Variants in HAND1 observed in about 807,000 individuals in gnomAD.
The protein encoded by HAND1 is heart- and neural crest derivatives-expressed protein 1.
A neutral mutation model predicts 14.5 loss-of-function variants in HAND1; 10 were observed. The observed-to-expected ratio is 0.69, with a 90% CI of 0.42 to 1.17. The LOEUF (loss-of-function observed/expected upper bound fraction) is 1.17. HAND1 is among the 50% of genes most tolerant of loss of function. The probability of loss-of-function intolerance (pLI) is 0.00; values close to 1 mark genes in which losing one functional copy is unlikely to be tolerated. For missense variants in HAND1, 299 were observed against 298.4 expected (o/e 1.00, Z -0.01); for synonymous variants, 128 against 127.1 (o/e 1.01, Z -0.05).
At position 154,475,488 on chromosome 5, in the gene HAND1, A is replaced by C; in HGVS notation, c.*318T>G. On this transcript the variant is annotated 3_prime_UTR_variant, in exon 2 of 2. Coordinates refer to ENST00000231121, the MANE Select transcript of HAND1 (RefSeq NM_004821.3). ...TCTAAATTCGCTCCAAAAGGGTGGA[A>C]GAGTGCGTCTTTGAGCCCTTGGGTT... 4 of 410,466 alleles carry C rather than the reference A, an allele frequency of 9.7e-6. No individual in the cohort carries two copies. The highest frequency in any genetic ancestry group is 9.4e-5 in the South Asian group (4 of 42,664). 25.4% of individuals were successfully genotyped at this position (410,466 alleles called of 1,614,324 possible). A position where few individuals can be genotyped will look rare whatever the true frequency, so the allele number is the denominator to read the frequency against.
intron 1 of HAND1, 64 bp from the exon 2 acceptor site, chr5:154,475,974 C>T: frequency 8.0e-7 from 1 of 1,257,382 alleles, no homozygotes; most frequent in Non-Finnish European, 1.2e-6. Flanking sequence ...CTGCTCCGAT[C>T]GCCCGGCATG....
chr5:154,477,444 G>A (rs1474503930), intron 1 of HAND1, 22 bp downstream of exon 1: 13 of 1,593,726 alleles, frequency 8.2e-6, no homozygotes, highest in Non-Finnish European at 1.1e-5. Flanking sequence ...CTTGGCTGGA[G>A]CATGCAAGCC....
rs1028318544 is a variant in HAND1, at chr5:154,478,076, G to C, written c.-68C>G. The C allele has an allele frequency of 3.2e-6, 5 of 1,569,746 alleles. No homozygotes were observed. The African/African-American group carries it at 6.7e-5, about 21-fold the overall frequency. The stretch of plus-strand genomic sequence containing the variant: ...CGCTCCATGCGCCCCAGAGACTGCC[G>C]GGGGCCACCTGTGGGCTCTGGAGCC... On this transcript the variant is annotated 5_prime_UTR_variant, in exon 1 of 2. Coordinates refer to ENST00000231121, the MANE Select transcript of HAND1 (RefSeq NM_004821.3). This position sits in a 1 kb window ranked among gnomAD's most constrained non-coding sequence, Gnocchi z 4.5.
Position 154,475,098 on chromosome 5 carries a change from G to C in HAND1, c.*708C>G, listed in dbSNP as rs1757520365. ...GGGATGGCAGGATGAACAAACACCT[G>C]AGCACAACAGGCATGGTAGGTAGTT... On this transcript the variant is annotated 3_prime_UTR_variant, in exon 2 of 2. Transcript: ENST00000231121. 1 of 152,598 alleles carries C rather than the reference G, an allele frequency of 6.6e-6. No homozygotes were observed. The highest frequency in any genetic ancestry group is 2.4e-5 in the African/African-American group (1 of 41,422). 9.5% of individuals were successfully genotyped at this position (152,598 alleles called of 1,614,324 possible). A position where few individuals can be genotyped will look rare whatever the true frequency, so the allele number is the denominator to read the frequency against.
At chr5:154,476,299 C>T (rs1757540701) in intron 1 of HAND1, among the ~76,000 whole-genome samples, 1 of 152,178 alleles carries the variant, frequency 6.6e-6, no homozygotes. Flanking sequence ...AGCCTCCCAA[C>T]CTGGTTTAAA....
chr5:154,475,982 A>C, intron 1 of HAND1, 72 bp from the exon 2 acceptor site: 2 of 1,111,754 alleles, frequency 1.8e-6, no homozygotes, highest in Non-Finnish European at 2.7e-6. Context: ...ATCGCCCGGC[A>C]TGGGGTAAGA....
Position 154,477,953 on chromosome 5 carries a change from G to C in HAND1, c.56C>G (p.Ala19Gly), listed in dbSNP as rs747513609. ...HHHHHHHPHP[A>G]HPMLHEPFLF... The stretch of plus-strand genomic sequence containing the variant: ...GAAGGGTTCGTGGAGCATGGGGTGC[G>C]CAGGGTGCGGGTGGTGATGGTGGTG... The change falls in exon 1 of 2, where the codon GCG (alanine) becomes GGG (glycine). Residue 19 changes from alanine to glycine, a missense_variant. Transcript: ENST00000231121. The C allele has an allele frequency of 1.3e-6, 2 of 1,598,388 alleles. No individual in the cohort carries two copies. Among genetic ancestry groups the C allele is most frequent in the East Asian group, 2.2e-5 (1 of 44,854 alleles).
At position 154,477,668 on chromosome 5, in the gene HAND1, A is replaced by T; in HGVS notation, c.341T>A (p.Phe114Tyr). 1 of 1,614,224 alleles carries T rather than the reference A, an allele frequency of 6.2e-7. No individual in the cohort carries two copies. The stretch of plus-strand genomic sequence containing the variant: ...GGGGATGCACTCGCGCAACTCCGCG[A>T]ATGCGCTGTTAATGCTCTCAGTGCG... ...RRRTESINSAFAELRECIPNV... is the reference protein window; with the variant it reads ...RRRTESINSAYAELRECIPNV... The change falls in exon 1 of 2, where the codon TTC becomes TAC. Residue 114 changes from phenylalanine (F) to tyrosine (Y), a missense_variant. Phe to Tyr is a conservative substitution (Grantham distance 22). Transcript: ENST00000231121.
chr5:154,478,039 C>A lies in HAND1; in HGVS notation c.-31G>T. On this transcript the variant is annotated 5_prime_UTR_variant, in exon 1 of 2. Transcript: ENST00000231121. The surrounding 1 kb of genome is among the most constrained non-coding windows in gnomAD (Gnocchi z 4.5). Reference sequence around the variant, plus strand: ...AGCGGCTACTGGCCTGCGCCGCCAGCCCTATTAACGCCGCTCCATGCGCCC... The same window carrying A: ...AGCGGCTACTGGCCTGCGCCGCCAGACCTATTAACGCCGCTCCATGCGCCC... 1 of 1,596,392 alleles carries A rather than the reference C, an allele frequency of 6.3e-7. No individual in the cohort carries two copies. The highest frequency in any genetic ancestry group is 8.5e-7 in the Non-Finnish European group (1 of 1,179,684).
In HAND1 at chr5:154,476,453, A is replaced by C. The variant is rs111641857; in HGVS notation, c.544-543T>G. ...GGAACCAAGCGGTGCTACTTGAAGGAGGCGGCGACGCGTGGGGGCCGGGAT... is the reference window on the plus strand; with the variant it reads ...GGAACCAAGCGGTGCTACTTGAAGGCGGCGGCGACGCGTGGGGGCCGGGAT... On this transcript the variant is annotated intron_variant, in intron 1 of 1. Coordinates refer to ENST00000231121, the MANE Select transcript of HAND1 (RefSeq NM_004821.3). 2.6e-5 allele frequency among the ~76,000 whole-genome samples: 4 copies of C among 152,212 alleles called. 1 individual carries two copies. The highest frequency in any genetic ancestry group is 9.6e-5 in the African/African-American group (4 of 41,528).
At position 154,477,829 on chromosome 5, in the gene HAND1, C is replaced by T. The variant is rs369386099; in HGVS notation, c.180G>A (p.Gly60=). The T allele has an allele frequency of 1.2e-4, 186 of 1,595,792 alleles. 1 individual carries two copies. The African/African-American group carries it at 2.2e-3, about 19-fold the overall frequency. ...ADAAPDFPAG[G]PPPAAAAAAT... ...CGGCTGCAGCGGCCGCGGGCGGCGG[C>T]CCGCCCGCAGGGAAGTCCGGGGCAG... The change falls in exon 1 of 2, where the codon GGG becomes GGA. Residue 60 remains glycine, a synonymous_variant. Coordinates refer to ENST00000231121, the MANE Select transcript of HAND1 (RefSeq NM_004821.3).
In HAND1 at chr5:154,475,512, T is replaced by G; in HGVS notation, c.*294A>C. 4.4e-6 allele frequency: 2 copies of G among 453,192 alleles called. No homozygotes were observed. The highest frequency in any genetic ancestry group is 4.1e-6 in the Non-Finnish European group (1 of 246,490). The allele number at this position is 453,192 out of a possible 1,614,324, so 28.1% of individuals were successfully genotyped here. On this transcript the variant is annotated 3_prime_UTR_variant, in exon 2 of 2. Coordinates refer to ENST00000231121, the MANE Select transcript of HAND1 (RefSeq NM_004821.3). ...AAGAGTGCGTCTTTGAGCCCTTGGG[T>G]TCGACAGTCCCTCCTTCTTGCATGT...
In HAND1 at chr5:154,478,052, G is replaced by A. The variant is rs781476191; in HGVS notation, c.-44C>T. On this transcript the variant is annotated 5_prime_UTR_variant, in exon 1 of 2. Transcript: ENST00000231121. This position sits in a 1 kb window ranked among gnomAD's most constrained non-coding sequence, Gnocchi z 4.5. Reference sequence around the variant, plus strand: ...CTGCGCCGCCAGCCCTATTAACGCCGCTCCATGCGCCCCAGAGACTGCCGG... The same window carrying A: ...CTGCGCCGCCAGCCCTATTAACGCCACTCCATGCGCCCCAGAGACTGCCGG... 1.9e-6 allele frequency: 3 copies of A among 1,594,736 alleles called. No homozygotes were observed. Among genetic ancestry groups the A allele is most frequent in the South Asian group, 1.1e-5 (1 of 90,916 alleles).
chr5:154,476,717 G>A (rs1757548060), intron 1 of HAND1, among the ~76,000 whole-genome samples: 1 of 152,184 alleles, frequency 6.6e-6, no homozygotes, highest in Non-Finnish European at 1.5e-5. Flanking sequence ...TGATTGGCCA[G>A]CCTGAAAACC....
Position 154,478,117 on chromosome 5 carries a change from C to T in HAND1, c.-109G>A, listed in dbSNP as rs951376403. 99 of 1,273,810 alleles carry T rather than the reference C, an allele frequency of 7.8e-5. No homozygotes were observed. Among genetic ancestry groups the T allele is most frequent in the Non-Finnish European group, 1.1e-4 (96 of 897,182 alleles). The allele number at this position is 1,273,810 out of a possible 1,614,324, so 78.9% of individuals were successfully genotyped here. A position where few individuals can be genotyped will look rare whatever the true frequency, so the allele number is the denominator to read the frequency against. On this transcript the variant is annotated 5_prime_UTR_variant, in exon 1 of 2. Transcript: ENST00000231121. This position sits in a 1 kb window ranked among gnomAD's most constrained non-coding sequence, Gnocchi z 4.5. ...CTCTGGAGCCACTACTGGGCGCCGG[C>T]TTTGGGAGAGTCCGGGCAAGGCTGA...
chr5:154,477,962 GGGTGGTGAT>G lies in HAND1; in HGVS notation c.38_46del (p.His13_His15del), dbSNP rs754696027. 4 of 1,598,196 alleles carry G rather than the reference GGGTGGTGAT, an allele frequency of 2.5e-6. No homozygotes were observed. The highest frequency in any genetic ancestry group is 2.2e-5 in the East Asian group (1 of 44,862). The stretch of plus-strand genomic sequence containing the variant: ...GTGGAGCATGGGGTGCGCAGGGTGC[GGGTGGTGAT>G]GGTGGTGATGGTGTGCGTAGCTGCC... On this transcript the variant is annotated inframe_deletion, in exon 1 of 2. Transcript: ENST00000231121.
chr5:154,475,114 G>GT lies in HAND1; in HGVS notation c.*691dup, dbSNP rs1461007565. The GT allele has an allele frequency of 6.5e-6, 1 of 152,722 alleles. No homozygotes were observed. Among genetic ancestry groups the GT allele is most frequent in the African/African-American group, 2.4e-5 (1 of 41,428 alleles). 9.5% of individuals were successfully genotyped at this position (152,722 alleles called of 1,614,324 possible). ...CAAACACCTGAGCACAACAGGCATG[G>GT]TAGGTAGTTTAAATACATAAAAACT... On this transcript the variant is annotated 3_prime_UTR_variant, in exon 2 of 2. Coordinates refer to ENST00000231121, the MANE Select transcript of HAND1 (RefSeq NM_004821.3).
Position 154,477,918 on chromosome 5 carries a change from G to C in HAND1, c.91C>G (p.Pro31Ala). The part of the protein sequence containing the change: ...PMLHEPFLFG[P>A]ASRCHQERPY... The stretch of plus-strand genomic sequence containing the variant: ...CTTTCCTGATGACAGCGCGAGGCCG[G>C]ACCGAAGAGGAAGGGTTCGTGGAGC... Residue 31 changes from proline (P) to alanine (A), a missense_variant, in exon 1 of 2, where the codon CCG becomes GCG. Physicochemically the swap from Pro to Ala is conservative, Grantham distance 27 (BLOSUM62 -1). Coordinates refer to ENST00000231121, the MANE Select transcript of HAND1 (RefSeq NM_004821.3). The C allele has an allele frequency of 6.3e-7, 1 of 1,599,220 alleles. No individual in the cohort carries two copies. The highest frequency in any genetic ancestry group is 8.5e-7 in the Non-Finnish European group (1 of 1,179,878).
chr5:154,477,843 A>G lies in HAND1; in HGVS notation c.166T>C (p.Phe56Leu). ...GCGGGCGGCGGCCCGCCCGCAGGGA[A>G]GTCCGGGGCAGCGTCAGCCGGGCTC... ...LLSPADAAPD[F>L]PAGGPPPAAA... The change falls in exon 1 of 2, where the codon TTC becomes CTC. Residue 56 changes from phenylalanine (F) to leucine (L), a missense_variant. Coordinates refer to ENST00000231121, the MANE Select transcript of HAND1 (RefSeq NM_004821.3). The G allele has an allele frequency of 6.2e-7, 1 of 1,600,282 alleles. No individual in the cohort carries two copies. The highest frequency in any genetic ancestry group is 8.5e-7 in the Non-Finnish European group (1 of 1,178,612).
Sources: allele counts gnomAD v4.1 joint callset (sites outside exome capture counted in the v4.1 genomes callset), GRCh38; gene constraint gnomAD v4.1.1; non-coding constraint Gnocchi (gnomAD v3.1); transcripts MANE v1.5; gene names NCBI Gene and HGNC (gene_info 2026-07-23, HGNC 2026-07-21).